CACNA1E: variants seen among roughly 807,000 people sequenced by gnomAD.
The protein encoded by CACNA1E is calcium voltage-gated channel subunit alpha1 E.
In CACNA1E, 40 loss-of-function variants were observed where a neutral mutation model predicts 259.2. That is an observed-to-expected ratio of 0.15 (90% CI 0.12 to 0.20). CACNA1E has a LOEUF of 0.20. CACNA1E is among the 10% of genes least tolerant of loss of function. The probability of loss-of-function intolerance (pLI) is 1.00; values close to 1 mark genes in which losing one functional copy is unlikely to be tolerated. For missense variants in CACNA1E, 1,874 were observed against 3,040.1 expected (o/e 0.62, Z 9.02); for synonymous variants, 1,104 against 1,138.5 (o/e 0.97, Z 0.61).
At chr1:181,542,138 CAA>C (rs1668629317) in intron 3 of CACNA1E, among the ~76,000 whole-genome samples, 1 of 152,140 alleles carries the variant, frequency 6.6e-6, no homozygotes, top group Non-Finnish European at 1.5e-5. Flanking sequence ...CCAGATTAGT[CAA>C]GTGTTCAGAT....
At chr1:181,362,240 G>A (rs929439669) in intron 1 of CACNA1E, among the ~76,000 whole-genome samples, 2 of 152,238 alleles carry the variant, frequency 1.3e-5, no homozygotes, top group African/African-American at 4.8e-5. Flanking sequence ...ACAGCTCTGT[G>A]TCTGTCAAAC....
intron 18 of CACNA1E, among the ~76,000 whole-genome samples, chr1:181,726,902 G>C (rs1654960267): frequency 6.6e-6 from 1 of 152,224 alleles, no homozygotes; most frequent in South Asian, 2.1e-4. Flanking sequence ...GAGCCAATAG[G>C]ATGAGCTCAT....
In CACNA1E at chr1:181,758,102, G is replaced by T. The variant is rs373656763; in HGVS notation, c.4485G>T (p.Leu1495=). ...TGATCGCCTTGAATACTGTTGTGCT[G>T]ATGATGAAGGTGAGAGGAGAGAGGC... ...MAMIALNTVV[L]MMKYYSAPCT... is the part of the protein sequence containing the mutation. Residue 1495 remains leucine (L), a synonymous_variant, in exon 31 of 48, where the codon CTG becomes CTT. Transcript: ENST00000367573. The surrounding 1 kb of genome is among the most constrained non-coding windows in gnomAD (Gnocchi z 4.2). 3.1e-6 allele frequency: 5 copies of T among 1,613,532 alleles called. No individual in the cohort carries two copies. The highest frequency in any genetic ancestry group is 4.2e-6 in the Non-Finnish European group (5 of 1,179,750).
chr1:181,348,859 C>A (rs1330274842), intron 1 of CACNA1E, among the ~76,000 whole-genome samples: 1 of 152,162 alleles, frequency 6.6e-6, no homozygotes, highest in East Asian at 1.9e-4. Flanking sequence ...GTTCTCATAT[C>A]CTCATTTCAC....
At chr1:181,696,357 GTAGAAGTCAGT>G in intron 7 of CACNA1E, among the ~76,000 whole-genome samples, 1 of 152,284 alleles carries the variant, frequency 6.6e-6, no homozygotes, top group Non-Finnish European at 1.5e-5. Context: ...TTCTGCCAGA[GTAGAAGTCAGT>G]TCTTTGACTT....
Position 181,790,542 on chromosome 1 carries a change from G to C in CACNA1E, c.5884G>C (p.Glu1962Gln). The change falls in exon 44 of 48, where the codon GAA becomes CAA. Residue 1962 changes from glutamate to glutamine, a missense_variant. Coordinates refer to ENST00000367573, the MANE Select transcript of CACNA1E (RefSeq NM_001205293.3). ...MDPADDGQFQERQSLEPEVSE... is the reference protein window; with the variant it reads ...MDPADDGQFQQRQSLEPEVSE... ...CCCCGCCGATGACGGACAGTTCCAA[G>C]AACGGCAGTCTCTGGTGAATGCATG... 6.2e-7 allele frequency: 1 copy of C among 1,604,172 alleles called. No individual in the cohort carries two copies. Among genetic ancestry groups the C allele is most frequent in the South Asian group, 1.1e-5 (1 of 90,934 alleles).
At position 181,752,250 on chromosome 1, in the gene CACNA1E, CAG is replaced by C. The variant is rs764803601; in HGVS notation, c.3828+14_3828+15del. The C allele has an allele frequency of 3.0e-5, 48 of 1,596,920 alleles. No individual in the cohort carries two copies. The African/African-American group carries it at 6.2e-4, about 21-fold the overall frequency. ...TTGCCCAAGCTCAAGGTAGTGTTTACAGAGTTTGTTCCCATCAAATCCCCTTC... is the reference window on the plus strand; with the variant it reads ...TTGCCCAAGCTCAAGGTAGTGTTTACAGTTTGTTCCCATCAAATCCCCTTC... On this transcript the variant is annotated intron_variant, in intron 27 of 47. Transcript: ENST00000367573.
At chr1:181,445,259 T>C (rs904738315) in intron 2 of CACNA1E, among the ~76,000 whole-genome samples, 2 of 152,250 alleles carry the variant, frequency 1.3e-5, no homozygotes, top group Non-Finnish European at 2.9e-5. Flanking sequence ...CTTTTGTAAT[T>C]GAAAACAAAG....
chr1:181,363,276 T>C (rs150031771), intron 1 of CACNA1E, among the ~76,000 whole-genome samples: 3 of 152,272 alleles, frequency 2.0e-5, no homozygotes, highest in Non-Finnish European at 4.4e-5. Context: ...ACAAACCCGC[T>C]TGTGAATACC....
At chr1:181,333,566 T>C (rs1171597683) in intron 1 of CACNA1E, among the ~76,000 whole-genome samples, 1 of 152,234 alleles carries the variant, frequency 6.6e-6, no homozygotes, top group Non-Finnish European at 1.5e-5. Context: ...CCAAGGGCCA[T>C]AGTTTGCTAG....
At chr1:181,331,221 T>A (rs1651235601) in intron 1 of CACNA1E, among the ~76,000 whole-genome samples, 1 of 152,060 alleles carries the variant, frequency 6.6e-6, no homozygotes, top group South Asian at 2.1e-4. Context: ...AGGAGATAGA[T>A]AGATAGATAG....
intron 1 of CACNA1E, among the ~76,000 whole-genome samples, chr1:181,321,503 C>T (rs1650341876): frequency 2.0e-5 from 3 of 152,202 alleles, no homozygotes; most frequent in Admixed American, 6.5e-5. Context: ...AGAGACTGAC[C>T]ATGGCCTAGA....
At chr1:181,596,599 C>CGTGT (rs1653200613) in intron 6 of CACNA1E, among the ~76,000 whole-genome samples, 2 of 78,208 alleles carry the variant, frequency 2.6e-5, no homozygotes, top group East Asian at 6.5e-4. Flanking sequence ...TGTGTGTGTA[C>CGTGT]ACACACATAT....
chr1:181,736,563 G>A, intron 22 of CACNA1E, 129 bp downstream of exon 22: 1 of 847,910 alleles, frequency 1.2e-6, no homozygotes, highest in Non-Finnish European at 1.8e-6. Context: ...GTGGAGCATG[G>A]CCAGACATTG....
At chr1:181,733,400 G>T in intron 20 of CACNA1E, 37 bp from the exon 21 acceptor site, 1 of 1,471,702 alleles carries the variant, frequency 6.8e-7, no homozygotes, top group Non-Finnish European at 9.1e-7. Context: ...TGGGGACAGC[G>T]TCTGAGCACC....
At chr1:181,498,523 A>G (rs1664975030) in intron 1 of CACNA1E, among the ~76,000 whole-genome samples, 1 of 152,166 alleles carries the variant, frequency 6.6e-6, no homozygotes, top group Non-Finnish European at 1.5e-5. Context: ...CCTCATTAGT[A>G]ATTTCACCAA....
intron 28 of CACNA1E, 134 bp downstream of exon 28, chr1:181,755,531 G>A (rs1658014447): frequency 2.7e-6 from 2 of 732,216 alleles, no homozygotes; most frequent in East Asian, 2.5e-5. Flanking sequence ...AAGACAAAAT[G>A]GAATCAATAA....
intron 3 of CACNA1E, among the ~76,000 whole-genome samples, chr1:181,548,484 A>G (rs1004177236): frequency 6.6e-6 from 1 of 152,228 alleles, no homozygotes; most frequent in Non-Finnish European, 1.5e-5. Flanking sequence ...AATTATGAAC[A>G]GACTCCTGCC....
chr1:181,433,421 T>C (rs542224524), intron 2 of CACNA1E, among the ~76,000 whole-genome samples: 1 of 152,378 alleles, frequency 6.6e-6, no homozygotes, highest in South Asian at 2.1e-4. Flanking sequence ...ATTCCTGCTC[T>C]GTCTAGGCCA....
Sources: allele counts gnomAD v4.1 joint callset (sites outside exome capture counted in the v4.1 genomes callset), GRCh38; gene constraint gnomAD v4.1.1; non-coding constraint Gnocchi (gnomAD v3.1); transcripts MANE v1.5; gene names NCBI Gene and HGNC (gene_info 2026-07-23, HGNC 2026-07-21).